ZP1: variants seen among roughly 807,000 people sequenced by gnomAD.
ZP1 encodes the protein zona pellucida sperm-binding protein 1.
A neutral mutation model predicts 67.4 loss-of-function variants in ZP1; 58 were observed. The observed-to-expected ratio is 0.86, with a 90% CI of 0.70 to 1.07. The LOEUF is 1.07. Among genes scored for constraint, ZP1 ranks in the 50% least tolerant of loss-of-function variants. The pLI, the probability that ZP1 is intolerant of heterozygous loss-of-function variation, is 0.00. For synonymous variants in ZP1, 333 were observed against 332.7 expected (o/e 1.00, Z -0.01); for missense variants, 759 against 807.3 (o/e 0.94, Z 0.72).
Position 60,869,230 on chromosome 11 carries a change from C to G in ZP1, c.282C>G (p.Phe94Leu). ...VTSRPQEPAV[F>L]SADYRGCHVL... ...CCAGGCCGCAGGAGCCTGCAGTCTTCTCGGCCGATTACAGAGGCTGCCACG... is the reference window on the plus strand; with the variant it reads ...CCAGGCCGCAGGAGCCTGCAGTCTTGTCGGCCGATTACAGAGGCTGCCACG... The change falls in exon 2 of 12, where the codon TTC becomes TTG. Residue 94 changes from phenylalanine (F) to leucine (L), a missense_variant. Transcript: ENST00000278853. 6.2e-7 allele frequency: 1 copy of G among 1,614,230 alleles called. No individual in the cohort carries two copies. Among genetic ancestry groups the G allele is most frequent in the Non-Finnish European group, 8.5e-7 (1 of 1,180,048 alleles).
In ZP1 at chr11:60,869,170, C is replaced by T. The variant is rs1368535865; in HGVS notation, c.222C>T (p.Val74=). 1 of 1,614,064 alleles carries T rather than the reference C, an allele frequency of 6.2e-7. No homozygotes were observed. Among genetic ancestry groups the T allele is most frequent in the Non-Finnish European group, 8.5e-7 (1 of 1,180,034 alleles). The change falls in exon 2 of 12, where the codon GTC becomes GTT. Residue 74 remains valine, a synonymous_variant. Transcript: ENST00000278853. ...ATGAATTTGGGAACCGATTTGATGTCAACAACTGCTCCATCTGCTACCACT... is the reference window on the plus strand; with the variant it reads ...ATGAATTTGGGAACCGATTTGATGTTAACAACTGCTCCATCTGCTACCACT... The part of the protein sequence containing the change: ...VVDEFGNRFD[V]NNCSICYHWV...
At chr11:60,871,455 C>T (rs1003359726) in intron 6 of ZP1, 141 bp downstream of exon 6, 9 of 838,006 alleles carry the variant, frequency 1.1e-5, no homozygotes, top group Non-Finnish European at 1.7e-5. Flanking sequence ...AGGCAAGGGG[C>T]CCACCTCTTC....
At chr11:60,870,626 C>T (rs1464846940) in intron 4 of ZP1, 151 bp downstream of exon 4, 7 of 1,014,910 alleles carry the variant, frequency 6.9e-6, no homozygotes, top group South Asian at 1.8e-5. Flanking sequence ...TTAGATGGGG[C>T]GGTCACATGT....
chr11:60,870,395 G>A lies in ZP1; in HGVS notation c.746G>A (p.Arg249Lys), dbSNP rs747155654. 1.2e-6 allele frequency: 2 copies of A among 1,613,346 alleles called. No individual in the cohort carries two copies. Among genetic ancestry groups the A allele is most frequent in the African/African-American group, 2.7e-5 (2 of 74,916 alleles). ...ASGHLPCIVR[R>K]TSKEACQQAG... ...GGGCACCTCCCCTGCATCGTGAGAA[G>A]AACTTCAAAAGAAGCCTGTCAGCAG... The change falls in exon 4 of 12, where the codon AGA (arginine) becomes AAA (lysine). Residue 249 changes from arginine (R) to lysine (K), a missense_variant. Transcript: ENST00000278853.
intron 9 of ZP1, 130 bp downstream of exon 9, chr11:60,873,905 G>A (rs1855645707): frequency 9.4e-6 from 12 of 1,277,182 alleles, no homozygotes; most frequent in Admixed American, 9.0e-5. Context: ...TCTACCAGGT[G>A]TCATGGAAAG....
chr11:60,869,913 T>A lies in ZP1; in HGVS notation c.682+13T>A, dbSNP rs183034750. On this transcript the variant is annotated intron_variant, in intron 3 of 11. Coordinates refer to ENST00000278853, the MANE Select transcript of ZP1 (RefSeq NM_207341.4). Reference sequence around the variant, plus strand: ...CGAGATTACATAGGTACGCAGGACATCTGAGTGTACTTACCCTCTGTCTGG... The same window carrying A: ...CGAGATTACATAGGTACGCAGGACAACTGAGTGTACTTACCCTCTGTCTGG... 1.8e-3 allele frequency: 2,691 copies of A among 1,534,462 alleles called. 9 individuals carry two copies. Among genetic ancestry groups the A allele is most frequent in the Non-Finnish European group, 2.1e-3 (2,373 of 1,138,054 alleles).
At chr11:60,874,720 G>C (rs577091109) in intron 9 of ZP1, among the ~76,000 whole-genome samples, 2 of 152,386 alleles carry the variant, frequency 1.3e-5, no homozygotes, top group Admixed American at 6.5e-5. Context: ...AGCAAGGAAG[G>C]TGTGGATTTC....
chr11:60,867,856 TCCCTC>T, intron 1 of ZP1, 99 bp downstream of exon 1: 1 of 1,379,800 alleles, frequency 7.2e-7, no homozygotes. Flanking sequence ...AACAGAGGCC[TCCCTC>T]CAGCCTGGGG....
chr11:60,869,806 AC>A lies in ZP1; in HGVS notation c.590del (p.Pro197HisfsTer25). On this transcript the variant is annotated frameshift_variant, in exon 3 of 12. Transcript: ENST00000278853. LOFTEE classifies it high-confidence loss of function. ...GCTCTGTCCACCCAACCCCTGCTTT[AC>A]CATCCCCTGGACCTGGACCTACCCT... ...HSSVHPTPAL[P>X]SPGPGPTLAT... 6.2e-7 allele frequency: 1 copy of A among 1,613,330 alleles called. No individual in the cohort carries two copies. Among genetic ancestry groups the A allele is most frequent in the Non-Finnish European group, 8.5e-7 (1 of 1,179,662 alleles).
In ZP1 at chr11:60,875,538, G is replaced by C; in HGVS notation, c.1799G>C (p.Arg600Thr). 6.2e-7 allele frequency: 1 copy of C among 1,614,046 alleles called. No homozygotes were observed. The highest frequency in any genetic ancestry group is 8.5e-7 in the Non-Finnish European group (1 of 1,179,952). Reference protein sequence around the residue: ...PTDSNGNSSLRPLLWAVLLLP... With the variant: ...PTDSNGNSSLTPLLWAVLLLP... ...GACTCCAATGGGAACTCCAGCCTGA[G>C]ACCTCTCCTTTGGGCGGTCCTTTTG... Residue 600 changes from arginine to threonine, a missense_variant, in exon 12 of 12, where the codon AGA becomes ACA. Arg to Thr is a moderately conservative substitution (Grantham distance 71). Coordinates refer to ENST00000278853, the MANE Select transcript of ZP1 (RefSeq NM_207341.4).
At chr11:60,872,040 C>T (rs900089806) in intron 6 of ZP1, among the ~76,000 whole-genome samples, 4 of 152,152 alleles carry the variant, frequency 2.6e-5, no homozygotes, top group African/African-American at 9.7e-5. Flanking sequence ...GGTTGGGGAG[C>T]AGGGGACTGT....
chr11:60,872,331 G>A (rs549046982), intron 6 of ZP1, among the ~76,000 whole-genome samples: 1 of 152,318 alleles, frequency 6.6e-6, no homozygotes, highest in South Asian at 2.1e-4. Flanking sequence ...GAGTGCCTAG[G>A]GATTCTCAGA....
chr11:60,873,226 C>T lies in ZP1; in HGVS notation c.1177C>T (p.Pro393Ser), dbSNP rs774162973. Residue 393 changes from proline to serine, a missense_variant, in exon 7 of 12, where the codon CCC becomes TCC. By Grantham distance (74) the Pro-to-Ser change is moderately conservative (BLOSUM62 -1). Transcript: ENST00000278853. ...FLPIQASIFP[P>S]PSPAPMTQPG... Reference sequence around the variant, plus strand: ...GCCCATTCAGGCATCCATTTTCCCACCCCCATCGCCTGCTCCTATGACCCA... The same window carrying T: ...GCCCATTCAGGCATCCATTTTCCCATCCCCATCGCCTGCTCCTATGACCCA... 3.7e-6 allele frequency: 6 copies of T among 1,607,094 alleles called. No homozygotes were observed. Among genetic ancestry groups the T allele is most frequent in the Non-Finnish European group, 5.1e-6 (6 of 1,176,332 alleles).
chr11:60,875,138 G>A lies in ZP1; in HGVS notation c.1664G>A (p.Arg555Gln). Reference sequence around the variant, plus strand: ...TTCTTCCCCTGGGCAGGACAGCGACGATCCTCAGGTCACCGTAATGACACT... The same window carrying A: ...TTCTTCCCCTGGGCAGGACAGCGACAATCCTCAGGTCACCGTAATGACACT... ...ACSTGTTRQR[R>Q]SSGHRNDTAR... Residue 555 changes from arginine to glutamine, a missense_variant, in exon 11 of 12, where the codon CGA (arginine) becomes CAA (glutamine). Coordinates refer to ENST00000278853, the MANE Select transcript of ZP1 (RefSeq NM_207341.4). 2 of 1,613,922 alleles carry A rather than the reference G, an allele frequency of 1.2e-6. No individual in the cohort carries two copies. Among genetic ancestry groups the A allele is most frequent in the African/African-American group, 1.3e-5 (1 of 75,076 alleles).
intron 9 of ZP1, 117 bp downstream of exon 9, chr11:60,873,892 G>A: frequency 2.2e-6 from 3 of 1,376,572 alleles, no homozygotes; most frequent in Non-Finnish European, 3.0e-6. Flanking sequence ...ATGGGGCTTG[G>A]CGTCTACCAG....
chr11:60,870,711 C>CTGAAAGTCCAGATG, intron 4 of ZP1: 1 of 665,654 alleles, frequency 1.5e-6, no homozygotes, highest in Non-Finnish European at 2.5e-6. Context: ...ACTTTCAGAT[C>CTGAAAGTCCAGATG]TGAAACGCCC....
chr11:60,869,016 C>A, intron 1 of ZP1, 129 bp from the exon 2 acceptor site: 2 of 1,138,278 alleles, frequency 1.8e-6, no homozygotes, highest in Admixed American at 2.3e-5. Flanking sequence ...GACCACACAA[C>A]AAACTAATAG....
In ZP1 at chr11:60,867,768, G is replaced by A; in HGVS notation, c.196+11G>A. 1 of 1,610,564 alleles carries A rather than the reference G, an allele frequency of 6.2e-7. No individual in the cohort carries two copies. The highest frequency in any genetic ancestry group is 1.3e-5 in the African/African-American group (1 of 74,982). ...GCTTCAAGGTGGTGGGTGAGTGCTG[G>A]CAGAGTCCTGGCCCCTGCCTCCCTG... On this transcript the variant is annotated intron_variant, in intron 1 of 11. Transcript: ENST00000278853.
chr11:60,870,243 A>G, intron 3 of ZP1, 89 bp from the exon 4 acceptor site: 1 of 1,288,188 alleles, frequency 7.8e-7, no homozygotes, highest in South Asian at 1.9e-5. Context: ...TAAGAGCACA[A>G]GCTCTGGAGC....
Sources: allele counts gnomAD v4.1 joint callset (sites outside exome capture counted in the v4.1 genomes callset), GRCh38; gene constraint gnomAD v4.1.1; transcripts MANE v1.5; gene names NCBI Gene and HGNC (gene_info 2026-07-23, HGNC 2026-07-21).